The following CDH12 variants were observed in gnomAD, a reference collection of about 807,000 sequenced individuals.
CDH12 encodes the protein cadherin-12.
CDH12 carries 41 observed loss-of-function variants against 74.1 expected under a neutral mutation model. That is an observed-to-expected ratio of 0.55 (90% confidence interval 0.43 to 0.72). CDH12 has a LOEUF of 0.72. Ranked by LOEUF, CDH12 falls within the 30% of genes least tolerant of loss-of-function variation. CDH12 has a pLI of 0.00. For missense variants in CDH12, 945 were observed against 977.2 expected (o/e 0.97, Z 0.44); for synonymous variants, 399 against 355.0 (o/e 1.12, Z -1.39).
intron 3 of CDH12, among the ~76,000 whole-genome samples, chr5:22,277,390 G>C (rs772366478): frequency 1.3e-5 from 2 of 152,178 alleles, no homozygotes; most frequent in Non-Finnish European, 1.5e-5. Flanking sequence ...ACCCTGGCTT[G>C]TTTGGTAGAA....
intron 3 of CDH12, among the ~76,000 whole-genome samples, chr5:22,347,190 G>C (rs1740152631): frequency 6.6e-6 from 1 of 152,166 alleles, no homozygotes; most frequent in African/African-American, 2.4e-5. Flanking sequence ...GTGTGTCTGT[G>C]AGTGTGTTGC....
At chr5:22,435,988 A>G (rs1169893668) in intron 2 of CDH12, among the ~76,000 whole-genome samples, 1 of 151,524 alleles carries the variant, frequency 6.6e-6, no homozygotes. Context: ...TTGCAGCACT[A>G]CTCACAATAG....
chr5:22,162,619 G>T (rs1384638324), intron 4 of CDH12, among the ~76,000 whole-genome samples: 2 of 151,976 alleles, frequency 1.3e-5, no homozygotes, highest in Admixed American at 6.6e-5. Flanking sequence ...CTGGTCGCAA[G>T]TATGATGTGT....
At chr5:21,773,582 T>C (rs1745439284) in intron 11 of CDH12, among the ~76,000 whole-genome samples, 1 of 152,150 alleles carries the variant, frequency 6.6e-6, no homozygotes, top group South Asian at 2.1e-4. Flanking sequence ...GCTGCAACTA[T>C]TGCCTTCCCT....
chr5:22,415,760 A>T (rs927176504), intron 2 of CDH12, among the ~76,000 whole-genome samples: 3 of 152,212 alleles, frequency 2.0e-5, no homozygotes, highest in Admixed American at 6.5e-5. Flanking sequence ...AGTTTTACTG[A>T]TACAAAAATT....
At chr5:21,764,252 T>A (rs1744882856) in intron 12 of CDH12, among the ~76,000 whole-genome samples, 1 of 152,054 alleles carries the variant, frequency 6.6e-6, no homozygotes. Context: ...CGCGCGCCTA[T>A]AGTCCCAGCT....
intron 4 of CDH12, among the ~76,000 whole-genome samples, chr5:22,124,002 C>G (rs1414307086): frequency 1.3e-5 from 2 of 151,142 alleles, no homozygotes; most frequent in African/African-American, 4.9e-5. Context: ...GAGTCTCGCT[C>G]TGTCTCCCAG....
chr5:22,713,307 AT>A (rs1168452369), intron 1 of CDH12, among the ~76,000 whole-genome samples: 14 of 151,098 alleles, frequency 9.3e-5, no homozygotes. Context: ...TGCCCCACTG[AT>A]TTTTTTGTAT....
At chr5:22,567,242 C>A (rs2126760058) in intron 1 of CDH12, among the ~76,000 whole-genome samples, 1 of 152,200 alleles carries the variant, frequency 6.6e-6, no homozygotes, top group Non-Finnish European at 1.5e-5. Context: ...GTATTAGATC[C>A]ACTTTCAACC....
chr5:21,855,852 C>T (rs1228848622), intron 6 of CDH12, among the ~76,000 whole-genome samples: 1 of 151,576 alleles, frequency 6.6e-6, no homozygotes, highest in Non-Finnish European at 1.5e-5. Context: ...ACTATAGAAG[C>T]TAAAAGAATG....
chr5:22,581,105 A>G (rs921027711), intron 1 of CDH12, among the ~76,000 whole-genome samples: 5 of 152,230 alleles, frequency 3.3e-5, no homozygotes, highest in African/African-American at 1.2e-4. Flanking sequence ...AGAAATTTGC[A>G]TATGTCACAA....
At chr5:22,072,820 T>C (rs1460744835) in intron 5 of CDH12, among the ~76,000 whole-genome samples, 2 of 151,842 alleles carry the variant, frequency 1.3e-5, no homozygotes, top group African/African-American at 2.4e-5. Flanking sequence ...TTTAATAGAG[T>C]ATTGAAATGA....
intron 1 of CDH12, among the ~76,000 whole-genome samples, chr5:22,615,276 A>C (rs2126832065): frequency 6.6e-6 from 1 of 152,170 alleles, no homozygotes; most frequent in East Asian, 1.9e-4. Flanking sequence ...GTCTCAAGTA[A>C]GGTAATCACA....
rs184181006 is a variant in CDH12, at chr5:22,057,555, C to T, written c.231+20891G>A. On this transcript the variant is annotated intron_variant, in intron 5 of 14. Coordinates refer to ENST00000382254, the MANE Select transcript of CDH12 (RefSeq NM_004061.5). ...GGGATGGGGGAAAGGAACAGACTCG[C>T]GGAAGGGAGTGAACTCTGTGGAGCC... Among the ~76,000 whole-genome samples the T allele has an allele frequency of 3.7e-3, 560 of 152,198 alleles. 7 individuals carry two copies. The highest frequency in any genetic ancestry group is 0.014 in the Middle Eastern group (4 of 294).
chr5:22,063,800 A>G (rs1741363207), intron 5 of CDH12, among the ~76,000 whole-genome samples: 1 of 152,082 alleles, frequency 6.6e-6, no homozygotes, highest in Non-Finnish European at 1.5e-5. Flanking sequence ...AACCCTAATA[A>G]AACAGACATA....
chr5:22,388,742 G>A (rs2126410280), intron 3 of CDH12, among the ~76,000 whole-genome samples: 1 of 152,254 alleles, frequency 6.6e-6, no homozygotes, highest in South Asian at 2.1e-4. Context: ...AATGTGAAAT[G>A]TTTTGGGAAA....
At chr5:22,308,767 T>C (rs2150425910) in intron 3 of CDH12, among the ~76,000 whole-genome samples, 1 of 151,114 alleles carries the variant, frequency 6.6e-6, no homozygotes, top group South Asian at 2.1e-4. Context: ...ATGGGAAGGA[T>C]ATTATTCAGC....
At chr5:22,153,046 T>C (rs1209401556) in intron 4 of CDH12, among the ~76,000 whole-genome samples, 1 of 152,172 alleles carries the variant, frequency 6.6e-6, no homozygotes, top group East Asian at 1.9e-4. Context: ...ACCTGAGCTA[T>C]TGAGGACGAT....
Position 22,228,694 on chromosome 5 carries a change from T to C in CDH12, c.-332-16051A>G, listed in dbSNP as rs150675891. On this transcript the variant is annotated intron_variant, in intron 3 of 14. Transcript: ENST00000382254. ...GCTCTCATTAATGAAAACACGAGCA[T>C]GATTCTAATTAGCCTGAATGTGCCC... Among the ~76,000 whole-genome samples, 990 of 152,272 alleles carry C rather than the reference T, an allele frequency of 6.5e-3. 8 individuals are homozygous for C. Among genetic ancestry groups the C allele is most frequent in the Non-Finnish European group, 0.011 (727 of 68,000 alleles).
Sources: gnomAD v4.1 joint callset for allele counts (sites outside exome capture counted in the v4.1 genomes callset) on GRCh38, gnomAD v4.1.1 for gene constraint, MANE v1.5 for transcripts, NCBI Gene and HGNC (gene_info 2026-07-23, HGNC 2026-07-21) for gene names.